The following RCAN1 variants were observed in gnomAD, a reference collection of about 807,000 sequenced individuals.
The protein encoded by RCAN1 is regulator of calcineurin 1, also known as calcipressin-1.
RCAN1 carries 11 observed loss-of-function variants against 22.9 expected under a neutral mutation model. That is an observed-to-expected ratio of 0.48 (90% confidence interval 0.30 to 0.79). The LOEUF (loss-of-function observed/expected upper bound fraction) is 0.79, where lower values mean the gene tolerates loss of function less well. RCAN1 is among the 30% of genes least tolerant of loss of function. RCAN1 has a pLI of 0.06. For missense variants in RCAN1, 291 were observed against 337.8 expected (o/e 0.86, Z 1.09); for synonymous variants, 136 against 142.3 (o/e 0.96, Z 0.32).
chr21:34,580,884 C>T (rs1042032566), intron 1 of RCAN1, among the ~76,000 whole-genome samples: 5 of 152,158 alleles, frequency 3.3e-5, no homozygotes, highest in Admixed American at 6.5e-5. Flanking sequence ...CCTACGTATG[C>T]ACATGGATGC....
intron 1 of RCAN1, among the ~76,000 whole-genome samples, chr21:34,560,444 A>G (rs370240811): frequency 2.6e-5 from 4 of 152,250 alleles, no homozygotes; most frequent in Non-Finnish European, 5.9e-5. Context: ...GTAACAAAGA[A>G]TAAGAATAAA....
chr21:34,573,232 T>C (rs1987294178), intron 1 of RCAN1, among the ~76,000 whole-genome samples: 1 of 152,164 alleles, frequency 6.6e-6, no homozygotes, highest in African/African-American at 2.4e-5. Context: ...CCCAACATCC[T>C]TTTTTTCTCG....
In RCAN1 at chr21:34,537,477, TG is replaced by T. The variant is rs367585019; in HGVS notation, c.253-13768del. ...TTTTGGTGGTGGTGGCCCGGGGAGA[TG>T]TGGCCACCCTGGGCCCAGAGCTCCA... is the stretch of plus-strand genomic sequence containing the variant. On this transcript the variant is annotated intron_variant, in intron 1 of 3. Transcript: ENST00000313806. Among the ~76,000 whole-genome samples the T allele has an allele frequency of 3.3e-4, 50 of 152,232 alleles. No individual in the cohort carries two copies. The South Asian group carries it at 8.7e-3, about 27-fold the overall frequency.
intron 1 of RCAN1, among the ~76,000 whole-genome samples, chr21:34,572,477 T>C (rs1186627616): frequency 6.6e-6 from 1 of 152,166 alleles, no homozygotes; most frequent in African/African-American, 2.4e-5. Flanking sequence ...CCCTACTTCA[T>C]GAGGGGCTGC....
rs117537017 is a variant in RCAN1, at chr21:34,521,926, G to A, written c.427-268C>T. 636 of 458,192 alleles carry A rather than the reference G, an allele frequency of 1.4e-3. 1 individual carries two copies. The highest frequency in any genetic ancestry group is 1.8e-3 in the Non-Finnish European group (471 of 256,770). The allele number at this position is 458,192 out of a possible 1,614,324, so 28.4% of individuals were successfully genotyped here. On this transcript the variant is annotated intron_variant, in intron 2 of 3. Coordinates refer to ENST00000313806, the MANE Select transcript of RCAN1 (RefSeq NM_004414.7). ...ACTGCAAATAATTACGCTTGACCTA[G>A]ATGGACAGAAAATCAGCAGAGGTGA...
At chr21:34,590,999 G>GTT (rs1987953735) in intron 1 of RCAN1, among the ~76,000 whole-genome samples, 2 of 152,182 alleles carry the variant, frequency 1.3e-5, no homozygotes, top group Admixed American at 1.3e-4. Context: ...TATGATCCGT[G>GTT]CACAGCGAGG....
intron 1 of RCAN1, among the ~76,000 whole-genome samples, chr21:34,552,697 C>T (rs1220402727): frequency 6.6e-6 from 1 of 151,758 alleles, no homozygotes; most frequent in Non-Finnish European, 1.5e-5. Context: ...ATCATGCACA[C>T]ATAGACACAT....
intron 1 of RCAN1, among the ~76,000 whole-genome samples, chr21:34,551,875 C>T (rs1187164464): frequency 6.6e-6 from 1 of 152,160 alleles, no homozygotes; most frequent in Non-Finnish European, 1.5e-5. Context: ...GTTCTAACCA[C>T]CTTCCTTGCT....
intron 1 of RCAN1, among the ~76,000 whole-genome samples, chr21:34,549,229 G>A (rs1405507195): frequency 6.6e-6 from 1 of 152,170 alleles, no homozygotes; most frequent in Admixed American, 6.5e-5. Flanking sequence ...AGTGGCCCTC[G>A]AAGGCACCAG....
chr21:34,597,228 G>A lies in RCAN1; in HGVS notation c.252+17532C>T, dbSNP rs371786892. Among the ~76,000 whole-genome samples, 14 of 152,226 alleles carry A rather than the reference G, an allele frequency of 9.2e-5. No individual in the cohort carries two copies. In the South Asian group the frequency reaches 2.9e-3, roughly 32 times the overall value. On this transcript the variant is annotated intron_variant, in intron 1 of 3. Coordinates refer to ENST00000313806, the MANE Select transcript of RCAN1 (RefSeq NM_004414.7). ...AATTAGCAAAAGTAAACACTCCTCG[G>A]TAGTACTAGCTACATTTTAAGTGCT... is the stretch of plus-strand genomic sequence containing the variant.
intron 1 of RCAN1, among the ~76,000 whole-genome samples, chr21:34,539,189 G>A (rs563481397): frequency 6.6e-6 from 1 of 152,236 alleles, no homozygotes; most frequent in South Asian, 2.1e-4. Flanking sequence ...AATCCTCATG[G>A]CTGTGGGCAA....
At chr21:34,601,409 C>T (rs551646702) in intron 1 of RCAN1, among the ~76,000 whole-genome samples, 2 of 152,316 alleles carry the variant, frequency 1.3e-5, no homozygotes, top group East Asian at 3.9e-4. Flanking sequence ...CAAGGTCACA[C>T]AGCTGGTTAC....
At position 34,518,100 on chromosome 21, in the gene RCAN1, G is replaced by T; in HGVS notation, c.743C>A (p.Pro248Gln). The T allele has an allele frequency of 1.2e-6, 2 of 1,614,166 alleles. No homozygotes were observed. The highest frequency in any genetic ancestry group is 2.2e-5 in the South Asian group (2 of 91,078). The change falls in exon 4 of 4, where the codon CCG (proline) becomes CAG (glutamine). Residue 248 changes from proline (P) to glutamine (Q), a missense_variant. Pro to Gln is a moderately conservative substitution (Grantham distance 76). Transcript: ENST00000313806. This position sits in a 1 kb window ranked among gnomAD's most constrained non-coding sequence, Gnocchi z 4.2. ...CGTGCCAGTTCAGCTGAGGTGGATC[G>T]GCGTGTACTCCGGCCTCCTGGTCTG... Reference protein sequence around the residue: ...IIQTRRPEYTPIHLS With the variant: ...IIQTRRPEYTQIHLS
At chr21:34,539,309 C>T (rs192360188) in intron 1 of RCAN1, among the ~76,000 whole-genome samples, 21 of 152,262 alleles carry the variant, frequency 1.4e-4, no homozygotes, top group Non-Finnish European at 2.4e-4. Context: ...ATGCTAAATT[C>T]ATTCAGTAGA....
At chr21:34,522,720 G>A (rs901033835) in intron 2 of RCAN1, 1 of 142,914 alleles carries the variant, frequency 7.0e-6, no homozygotes, top group Non-Finnish European at 1.5e-5. Context: ...GTGTATGTGT[G>A]TGTGTGGTGG....
intron 2 of RCAN1, chr21:34,522,399 A>C (rs1353020498): frequency 1.3e-5 from 2 of 152,148 alleles, no homozygotes; most frequent in Non-Finnish European, 2.9e-5. Flanking sequence ...TTGTTTTACA[A>C]ACAGAAAAGG....
chr21:34,561,999 G>A (rs964077642), intron 1 of RCAN1, among the ~76,000 whole-genome samples: 1 of 152,138 alleles, frequency 6.6e-6, no homozygotes, highest in African/African-American at 2.4e-5. Flanking sequence ...GCAGTGCACT[G>A]GTGCCACACT....
intron 1 of RCAN1, among the ~76,000 whole-genome samples, chr21:34,551,819 A>C (rs1021531953): frequency 1.3e-5 from 2 of 152,202 alleles, no homozygotes; most frequent in Non-Finnish European, 2.9e-5. Flanking sequence ...ATGAAGACTT[A>C]GGAATAGCGA....
chr21:34,578,658 A>G (rs1210644558), intron 1 of RCAN1, among the ~76,000 whole-genome samples: 2 of 152,198 alleles, frequency 1.3e-5, no homozygotes, highest in Non-Finnish European at 2.9e-5. Flanking sequence ...GGCTTTGCAG[A>G]TGGCCCTTTG....
Sources: allele counts gnomAD v4.1 joint callset (sites outside exome capture counted in the v4.1 genomes callset), GRCh38; gene constraint gnomAD v4.1.1; non-coding constraint Gnocchi (gnomAD v3.1); transcripts MANE v1.5; gene names NCBI Gene and HGNC (gene_info 2026-07-23, HGNC 2026-07-21).